Variants in GSTA3 observed in about 807,000 individuals in gnomAD.
GSTA3 encodes the protein glutathione S-transferase A3.
A neutral mutation model predicts 23.1 loss-of-function variants in GSTA3; 16 were observed. The ratio of observed to expected loss-of-function variants is 0.69; its 90% CI spans 0.47 to 1.05. The LOEUF is 1.05. GSTA3 is among the 50% of genes least tolerant of loss of function. The pLI is 0.00. For synonymous variants in GSTA3, 122 were observed against 91.0 expected (o/e 1.34, Z -1.94); for missense variants, 319 against 263.6 (o/e 1.21, Z -1.46).
At position 52,896,664 on chromosome 6, in the gene GSTA3, T is replaced by A; in HGVS notation, c.*142A>T. On this transcript the variant is annotated 3_prime_UTR_variant, in exon 7 of 7. Transcript: ENST00000211122. The stretch of plus-strand genomic sequence containing the variant: ...TTTTAACTAAGTTAGCAAATAGGAG[T>A]TTTTATTATTTAATTAGCATATAAT... 1.1e-6 allele frequency: 1 copy of A among 920,166 alleles called. No homozygotes were observed. The highest frequency in any genetic ancestry group is 2.8e-5 in the East Asian group (1 of 35,528). 57.0% of individuals were successfully genotyped at this position (920,166 alleles called of 1,614,324 possible). A position where few individuals can be genotyped will look rare whatever the true frequency, so the allele number is the denominator to read the frequency against.
At chr6:52,901,815 G>A (rs146221099) in intron 4 of GSTA3, among the ~76,000 whole-genome samples, 1 of 152,174 alleles carries the variant, frequency 6.6e-6, no homozygotes, top group Admixed American at 6.5e-5. Flanking sequence ...TTGAATCCAT[G>A]TTTCCAGGCA....
chr6:52,896,996 G>A (rs1461413659), intron 6 of GSTA3, 68 bp from the exon 7 acceptor site: 2 of 1,596,210 alleles, frequency 1.3e-6, no homozygotes, highest in Non-Finnish European at 1.7e-6. Flanking sequence ...ACCACCCAGG[G>A]AATTTGACCC....
Position 52,896,828 on chromosome 6 carries a change from G to C in GSTA3, c.647C>G (p.Ala216Gly), listed in dbSNP as rs771320777. The C allele has an allele frequency of 4.3e-6, 7 of 1,613,978 alleles. No individual in the cohort carries two copies. Among genetic ancestry groups the C allele is most frequent in the Middle Eastern group, 1.7e-4 (1 of 6,060 alleles). Residue 216 changes from alanine (A) to glycine (G), a missense_variant, in exon 7 of 7, where the codon GCC becomes GGC. By Grantham distance (60) the Ala-to-Gly change is moderately conservative. Coordinates refer to ENST00000211122, the MANE Select transcript of GSTA3 (RefSeq NM_000847.5). ...TTATTAAAACCTGAAAATCTTTCTG[G>C]CTTCTTCTAAAGCTTTTGCATCTGC... is the stretch of plus-strand genomic sequence containing the variant. ...PPADAKALEE[A>G]RKIFRF
chr6:52,902,448 A>G lies in GSTA3; in HGVS notation c.170T>C (p.Met57Thr). The change falls in exon 4 of 7, where the codon ATG (methionine) becomes ACG (threonine). Residue 57 changes from methionine to threonine, a missense_variant. Coordinates refer to ENST00000211122, the MANE Select transcript of GSTA3 (RefSeq NM_000847.5). ...DGSLMFQQVP[M>T]VEIDGMKLVQ... ...CAACTTCATCCCATCAATCTCAACC[A>G]TTGGTACTTGCTGGAACATCAAACT... 6.2e-7 allele frequency: 1 copy of G among 1,613,446 alleles called. No homozygotes were observed. Among genetic ancestry groups the G allele is most frequent in the Non-Finnish European group, 8.5e-7 (1 of 1,179,762 alleles).
rs1765782183 is a variant in GSTA3, at chr6:52,903,742, A to G, written c.88-15T>C. On this transcript the variant is annotated splice_polypyrimidine_tract_variant and intron_variant, in intron 2 of 6. Coordinates refer to ENST00000211122, the MANE Select transcript of GSTA3 (RefSeq NM_000847.5). ...TTCTCTTCAAACTGGAAGCAGAAACAGTAAATGGGTTCTTGTTAGTTCGTT... is the reference window on the plus strand; with the variant it reads ...TTCTCTTCAAACTGGAAGCAGAAACGGTAAATGGGTTCTTGTTAGTTCGTT... The G allele has an allele frequency of 1.3e-6, 2 of 1,540,678 alleles. No homozygotes were observed. The highest frequency in any genetic ancestry group is 1.8e-6 in the Non-Finnish European group (2 of 1,114,018).
At chr6:52,904,647 G>T (rs1765829824) in intron 2 of GSTA3, among the ~76,000 whole-genome samples, 2 of 152,132 alleles carry the variant, frequency 1.3e-5, no homozygotes, top group South Asian at 4.2e-4. Context: ...CGAGGGACAA[G>T]ATCTTCTGAG....
intron 2 of GSTA3, 96 bp from the exon 3 acceptor site, chr6:52,903,823 A>G (rs1581866882): frequency 1.4e-6 from 1 of 728,362 alleles, no homozygotes; most frequent in East Asian, 2.6e-5. Context: ...CATAATTTGG[A>G]GAACATAAGA....
intron 2 of GSTA3, among the ~76,000 whole-genome samples, chr6:52,904,606 T>G (rs531384266): frequency 3.2e-4 from 48 of 152,228 alleles, no homozygotes; most frequent in Non-Finnish European, 6.8e-4. Context: ...GGACGCCACC[T>G]CACCTGAAAC....
chr6:52,897,908 G>T lies in GSTA3; in HGVS notation c.463C>A (p.Arg155=). 1 of 1,613,936 alleles carries T rather than the reference G, an allele frequency of 6.2e-7. No individual in the cohort carries two copies. The highest frequency in any genetic ancestry group is 1.1e-5 in the South Asian group (1 of 91,074). Residue 155 remains arginine (R), a synonymous_variant, in exon 6 of 7, where the codon CGG becomes AGG. Coordinates refer to ENST00000211122, the MANE Select transcript of GSTA3 (RefSeq NM_000847.5). Reference sequence around the variant, plus strand: ...AGTTCCACCAGGCTAATGTCAGCCCGGCTCAGCTTGTTGCCAACAAGGTAG... The same window carrying T: ...AGTTCCACCAGGCTAATGTCAGCCCTGCTCAGCTTGTTGCCAACAAGGTAG... ...QDYLVGNKLS[R]ADISLVELLY...
chr6:52,906,395 A>G (rs1349789560), intron 1 of GSTA3, among the ~76,000 whole-genome samples: 1 of 152,170 alleles, frequency 6.6e-6, no homozygotes, highest in Admixed American at 6.5e-5. Context: ...ATTATTGACT[A>G]TTTACAGCCT....
At chr6:52,901,955 A>C (rs1453952460) in intron 4 of GSTA3, among the ~76,000 whole-genome samples, 1 of 152,146 alleles carries the variant, frequency 6.6e-6, no homozygotes, top group Admixed American at 6.5e-5. Flanking sequence ...GCTTCTTTGC[A>C]GTCTTCCCTC....
intron 1 of GSTA3, among the ~76,000 whole-genome samples, chr6:52,906,332 G>A (rs542027801): frequency 6.6e-6 from 1 of 152,256 alleles, no homozygotes; most frequent in Non-Finnish European, 1.5e-5. Flanking sequence ...TCAAAGTCTG[G>A]ATTAGAACCT....
rs1234898377 is a variant in GSTA3, at chr6:52,905,626, G to A, written c.87+122C>T. The A allele has an allele frequency of 9.3e-6, 5 of 534,932 alleles. No homozygotes were observed. The East Asian group carries it at 1.8e-4, about 19-fold the overall frequency. 33.1% of individuals were successfully genotyped at this position (534,932 alleles called of 1,614,324 possible). A position where few individuals can be genotyped will look rare whatever the true frequency, so the allele number is the denominator to read the frequency against. ...TTGTCCATTTTAAAAAAATAACTGG[G>A]GATGCTTTTATTTGAGGCCAAAATA... On this transcript the variant is annotated intron_variant, in intron 2 of 6. Coordinates refer to ENST00000211122, the MANE Select transcript of GSTA3 (RefSeq NM_000847.5).
At chr6:52,906,826 A>G (rs1765905320) in intron 1 of GSTA3, among the ~76,000 whole-genome samples, 1 of 151,410 alleles carries the variant, frequency 6.6e-6, no homozygotes, top group Non-Finnish European at 1.5e-5. Flanking sequence ...GATGGATTAA[A>G]GACTTAAACG....
Position 52,896,753 on chromosome 6 carries a change from G to A in GSTA3, c.*53C>T, listed in dbSNP as rs551200617. On this transcript the variant is annotated 3_prime_UTR_variant, in exon 7 of 7. Coordinates refer to ENST00000211122, the MANE Select transcript of GSTA3 (RefSeq NM_000847.5). ...CACTTAAGTAAAGCACTTCATTGTT[G>A]CAAAACTTTAGAATATTGGTCTTGC... 9.3e-6 allele frequency: 15 copies of A among 1,605,818 alleles called. No homozygotes were observed. In the East Asian group the frequency reaches 2.9e-4, roughly 31 times the overall value.
rs1190643598 is a variant in GSTA3, at chr6:52,896,800, G to A, written c.*6C>T. 6.2e-7 allele frequency: 1 copy of A among 1,613,876 alleles called. No homozygotes were observed. Among genetic ancestry groups the A allele is most frequent in the Non-Finnish European group, 8.5e-7 (1 of 1,179,830 alleles). On this transcript the variant is annotated 3_prime_UTR_variant, in exon 7 of 7. Transcript: ENST00000211122. The stretch of plus-strand genomic sequence containing the variant: ...TTGCATGTTCTTAGCCTCCATGGCT[G>A]CTTTATTAAAACCTGAAAATCTTTC...
rs1363148059 is a variant in GSTA3 at position 52,902,467 on chromosome 6, T to A, written c.151A>T (p.Met51Leu). 2 of 1,609,286 alleles carry A rather than the reference T, an allele frequency of 1.2e-6. No individual in the cohort carries two copies. The highest frequency in any genetic ancestry group is 1.7e-5 in the Admixed American group (1 of 58,834). ...TCAACCATTGGTACTTGCTGGAACA[T>A]CAAACTCCCATCTTTAGAAAGAAGG... Reference protein sequence around the residue: ...LGKLRNDGSLMFQQVPMVEID... With the variant: ...LGKLRNDGSLLFQQVPMVEID... Residue 51 changes from methionine to leucine, a missense_variant, in exon 4 of 7, where the codon ATG becomes TTG. Physicochemically the swap from Met to Leu is conservative, Grantham distance 15. Transcript: ENST00000211122.
chr6:52,905,731 C>A lies in GSTA3; in HGVS notation c.87+17G>T. On this transcript the variant is annotated intron_variant, in intron 2 of 6. Transcript: ENST00000211122. ...GTCAATTAGGTCCAACTTAAGATGA[C>A]CTAACTTAGAACATACCTCCACTCC... 1 of 1,464,636 alleles carries A rather than the reference C, an allele frequency of 6.8e-7. No homozygotes were observed. Among genetic ancestry groups the A allele is most frequent in the Non-Finnish European group, 9.5e-7 (1 of 1,048,244 alleles). 90.7% of individuals were successfully genotyped at this position (1,464,636 alleles called of 1,614,324 possible).
At chr6:52,902,997 A>C (rs925498149) in intron 3 of GSTA3, among the ~76,000 whole-genome samples, 2 of 152,082 alleles carry the variant, frequency 1.3e-5, no homozygotes, top group African/African-American at 4.8e-5. Flanking sequence ...ATCTATTTCT[A>C]TTCTTTTCGT....
Sources: allele counts gnomAD v4.1 joint callset (sites outside exome capture counted in the v4.1 genomes callset), GRCh38; gene constraint gnomAD v4.1.1; transcripts MANE v1.5; gene names NCBI Gene and HGNC (gene_info 2026-07-23, HGNC 2026-07-21).